GIT2: variants seen among roughly 807,000 people sequenced by gnomAD.
GIT2 encodes the protein GIT ArfGAP 2.
A neutral mutation model predicts 100.3 loss-of-function variants in GIT2; 32 were observed. That is an observed-to-expected ratio of 0.32 (90% CI 0.24 to 0.43). The LOEUF is 0.43. GIT2 is among the 20% of genes least tolerant of loss of function. The probability of loss-of-function intolerance (pLI) is 1.00; values close to 1 mark genes in which losing one functional copy is unlikely to be tolerated. For synonymous variants in GIT2, 353 were observed against 364.1 expected (o/e 0.97, Z 0.35); for missense variants, 737 against 975.1 (o/e 0.76, Z 3.25).
intron 7 of GIT2, among the ~76,000 whole-genome samples, chr12:109,969,162 CTTTTTTTTT>C (rs71079595): frequency 1.1e-5 from 1 of 89,134 alleles, no homozygotes; most frequent in Non-Finnish European, 2.1e-5. Flanking sequence ...AAAACTTTTC[CTTTTTTTTT>C]TTTTTTTTTT....
chr12:109,983,758 A>C (rs1435666698), intron 4 of GIT2, 64 bp from the exon 5 acceptor site: 1 of 980,306 alleles, frequency 1.0e-6, no homozygotes, highest in Non-Finnish European at 1.6e-6. Flanking sequence ...GTCCTAGGGC[A>C]GCTGATAGAC....
chr12:109,996,430 C>T, upstream of GIT2: 1 of 524,894 alleles, frequency 1.9e-6, no homozygotes. Context: ...GGAAAGGGCA[C>T]TCTGCCTTGT....
intron 8 of GIT2, among the ~76,000 whole-genome samples, chr12:109,966,294 G>A (rs1441195790): frequency 1.3e-5 from 2 of 148,566 alleles, no homozygotes; most frequent in African/African-American, 4.9e-5. Context: ...GCCCTGGCGA[G>A]GTCAGGGGTT....
intron 16 of GIT2, among the ~76,000 whole-genome samples, 177 bp downstream of exon 16, chr12:109,945,083 G>A (rs1312922673): frequency 6.6e-6 from 1 of 152,174 alleles, no homozygotes; most frequent in Non-Finnish European, 1.5e-5. Flanking sequence ...CCCTCGATGG[G>A]TGAGCGTGCA....
upstream of GIT2, chr12:109,998,777 G>A (rs551009249): frequency 2.6e-5 from 4 of 152,162 alleles, 1 homozygote; most frequent in African/African-American, 7.2e-5. Context: ...TTTTCTCCCC[G>A]AGACGACATT....
rs564553008 is a variant in GIT2, at chr12:109,989,737, C to T, written c.252G>A (p.Ala84=). ...SIWEHSLLDP[A]SIMSGRRKAN... The stretch of plus-strand genomic sequence containing the variant: ...CTTTACGTCTTCCACTCATAATAGA[C>T]GCAGGGTCCAGCAAAGAATGCTCCC... Residue 84 remains alanine, a synonymous_variant, in exon 3 of 20, where the codon GCG becomes GCA. Coordinates refer to ENST00000355312, the MANE Select transcript of GIT2 (RefSeq NM_057169.5). 35 of 1,604,898 alleles carry T rather than the reference C, an allele frequency of 2.2e-5. No homozygotes were observed. Among genetic ancestry groups the T allele is most frequent in the African/African-American group, 4.0e-5 (3 of 74,704 alleles).
At chr12:109,976,445 C>T (rs1452824597) in intron 7 of GIT2, among the ~76,000 whole-genome samples, 3 of 151,608 alleles carry the variant, frequency 2.0e-5, no homozygotes, top group Non-Finnish European at 1.5e-5. Flanking sequence ...CCACCACGCC[C>T]GGCTAATTTT....
chr12:109,972,007 A>AT (rs1883999363), intron 7 of GIT2, among the ~76,000 whole-genome samples: 1 of 139,126 alleles, frequency 7.2e-6, no homozygotes, highest in Admixed American at 6.9e-5. Context: ...AAAGGGAAAA[A>AT]AAAATATATA....
chr12:109,975,325 C>T (rs1404727179), intron 7 of GIT2, among the ~76,000 whole-genome samples: 3 of 151,914 alleles, frequency 2.0e-5, no homozygotes, highest in Non-Finnish European at 2.9e-5. Flanking sequence ...CACCTCAGCC[C>T]CTCCTGAGTA....
chr12:109,933,680 C>T lies in GIT2; in HGVS notation c.2067+342G>A. 3.9e-6 allele frequency: 1 copy of T among 253,970 alleles called. No homozygotes were observed. Among genetic ancestry groups the T allele is most frequent in the Non-Finnish European group, 7.7e-6 (1 of 130,082 alleles). 15.7% of individuals were successfully genotyped at this position (253,970 alleles called of 1,614,324 possible). A position where few individuals can be genotyped will look rare whatever the true frequency, so the allele number is the denominator to read the frequency against. On this transcript the variant is annotated intron_variant, in intron 19 of 19. Coordinates refer to ENST00000355312, the MANE Select transcript of GIT2 (RefSeq NM_057169.5). This position sits in a 1 kb window ranked among gnomAD's most constrained non-coding sequence, Gnocchi z 4.5. ...GCAATGGCACGATCTTGACTCACTGCAACCTCCGCCTCCTGGGTTCAAGCG... is the reference window on the plus strand; with the variant it reads ...GCAATGGCACGATCTTGACTCACTGTAACCTCCGCCTCCTGGGTTCAAGCG...
rs150608412 is a variant in GIT2, at chr12:109,953,721, A to T, written c.1100-487T>A. ...ATATTCACACCAATACAGAGATAAC[A>T]GAAAAAGTTTTCAACCAGGTGGACA... On this transcript the variant is annotated intron_variant, in intron 12 of 19. Coordinates refer to ENST00000355312, the MANE Select transcript of GIT2 (RefSeq NM_057169.5). 862 of 152,528 alleles carry T rather than the reference A, an allele frequency of 5.7e-3. 8 individuals carry two copies. The highest frequency in any genetic ancestry group is 9.9e-3 in the Non-Finnish European group (673 of 68,162). The allele number at this position is 152,528 out of a possible 1,614,324, so 9.4% of individuals were successfully genotyped here.
intron 7 of GIT2, 120 bp from the exon 8 acceptor site, chr12:109,967,623 T>A: frequency 1.4e-6 from 1 of 736,984 alleles, no homozygotes; most frequent in Non-Finnish European, 2.4e-6. Flanking sequence ...TAATGACGAG[T>A]CATGTTGCTA....
intron 18 of GIT2, among the ~76,000 whole-genome samples, chr12:109,936,868 CA>C (rs112015119): frequency 0.28 from 25,752 of 91,606 alleles, 3,844 homozygotes; most frequent in African/African-American, 0.53. Context: ...GACTCTGTCT[CA>C]AAAAAAAAAA....
intron 8 of GIT2, 200 bp from the exon 9 acceptor site, chr12:109,965,777 C>A: frequency 1.4e-6 from 1 of 720,694 alleles, no homozygotes; most frequent in Non-Finnish European, 2.6e-6. Flanking sequence ...TGAAATACCA[C>A]AATCATGTAA....
chr12:110,000,048 G>A (rs1303939186), upstream of GIT2, among the ~76,000 whole-genome samples: 2 of 152,242 alleles, frequency 1.3e-5, no homozygotes, highest in Non-Finnish European at 2.9e-5. Flanking sequence ...GAAGGAAACA[G>A]GTCCTCAGAC....
upstream of GIT2, among the ~76,000 whole-genome samples, chr12:109,996,805 T>A (rs1291844752): frequency 6.6e-6 from 1 of 152,154 alleles, no homozygotes; most frequent in Non-Finnish European, 1.5e-5. Flanking sequence ...AGGCTGGGCG[T>A]GGTGGCTCAC....
At chr12:109,981,961 T>C (rs1309292564) in intron 6 of GIT2, 2 of 152,228 alleles carry the variant, frequency 1.3e-5, no homozygotes, top group African/African-American at 4.8e-5. Context: ...ACAGCTTTGA[T>C]TTGTGAGAGG....
chr12:109,964,475 G>A (rs1361107709), intron 9 of GIT2, among the ~76,000 whole-genome samples: 1 of 152,080 alleles, frequency 6.6e-6, no homozygotes, highest in Non-Finnish European at 1.5e-5. Flanking sequence ...CAGGCTTTGG[G>A]AAAGCCGCTA....
rs558804108 is a variant in GIT2 at position 109,996,053 on chromosome 12, C to A, written c.52+120G>T. The stretch of plus-strand genomic sequence containing the variant: ...GGGACGGTTCCCACCCCAAGGCCGC[C>A]CAGGGACCTCTTCGTTGCGACCCTA... On this transcript the variant is annotated intron_variant, in intron 1 of 19. Coordinates refer to ENST00000355312, the MANE Select transcript of GIT2 (RefSeq NM_057169.5). 9 of 638,018 alleles carry A rather than the reference C, an allele frequency of 1.4e-5. No individual in the cohort carries two copies. In the East Asian group the frequency reaches 2.7e-4, roughly 19 times the overall value. 39.5% of individuals were successfully genotyped at this position (638,018 alleles called of 1,614,324 possible).
Sources: allele counts gnomAD v4.1 joint callset (sites outside exome capture counted in the v4.1 genomes callset), GRCh38; gene constraint gnomAD v4.1.1; non-coding constraint Gnocchi (gnomAD v3.1); transcripts MANE v1.5; gene names NCBI Gene and HGNC (gene_info 2026-07-23, HGNC 2026-07-21).